Variants in ENO1 observed in about 807,000 individuals in gnomAD.
The protein encoded by ENO1 is enolase 1.
A neutral mutation model predicts 46.3 loss-of-function variants in ENO1; 33 were observed. The observed-to-expected ratio is 0.71, with a 90% confidence interval of 0.54 to 0.95. The LOEUF (loss-of-function observed/expected upper bound fraction) is 0.95, where lower values mean the gene tolerates loss of function less well. ENO1 is among the 40% of genes least tolerant of loss of function. ENO1 has a pLI of 0.00. For synonymous variants in ENO1, 220 were observed against 216.0 expected (o/e 1.02, Z -0.16); for missense variants, 488 against 553.3 (o/e 0.88, Z 1.18).
At chr1:8,871,846 G>C in intron 3 of ENO1, 45 bp downstream of exon 3, 1 of 1,595,580 alleles carries the variant, frequency 6.3e-7, no homozygotes, top group Non-Finnish European at 8.6e-7. Flanking sequence ...GCCAGGAATG[G>C]GGCTGGAAGC....
At chr1:8,863,421 G>A (rs1338284689) in intron 9 of ENO1, 78 bp from the exon 10 acceptor site, 1 of 1,413,044 alleles carries the variant, frequency 7.1e-7, no homozygotes, top group African/African-American at 1.4e-5. Flanking sequence ...ACCCCTCGGT[G>A]CCAGCAGGAA....
intron 4 of ENO1, among the ~76,000 whole-genome samples, chr1:8,869,941 A>C (rs1642596626): frequency 6.6e-6 from 1 of 152,158 alleles, no homozygotes; most frequent in Non-Finnish European, 1.5e-5. Context: ...GGCCGAAGGG[A>C]GGGTAAATGA....
At chr1:8,875,039 G>C (rs760855079) in intron 1 of ENO1, 122 bp from the exon 2 acceptor site, 45 of 724,454 alleles carry the variant, frequency 6.2e-5, no homozygotes, top group Non-Finnish European at 9.1e-5. Context: ...CTAAATACTG[G>C]ATGTAGGAAA....
At chr1:8,874,653 G>A (rs1642700782) in intron 2 of ENO1, among the ~76,000 whole-genome samples, 171 bp downstream of exon 2, 1 of 149,936 alleles carries the variant, frequency 6.7e-6, no homozygotes, top group Non-Finnish European at 1.5e-5. Context: ...CTGGCTCCAT[G>A]CCTAAAAATT....
Position 8,866,436 on chromosome 1 carries a change from G to T in ENO1, c.510C>A (p.Ile170=). The T allele has an allele frequency of 6.2e-7, 1 of 1,614,214 alleles. No individual in the cohort carries two copies. Among genetic ancestry groups the T allele is most frequent in the African/African-American group, 1.3e-5 (1 of 75,046 alleles). ...TGAAGTTTGCTGCACCGACTGGGAGGATCATGAACTCCTGCATGGCCAGCT... is the reference window on the plus strand; with the variant it reads ...TGAAGTTTGCTGCACCGACTGGGAGTATCATGAACTCCTGCATGGCCAGCT... ...GNKLAMQEFM[I]LPVGAANFRE... Residue 170 remains isoleucine (I), a synonymous_variant, in exon 7 of 12, where the codon ATC becomes ATA. Coordinates refer to ENST00000234590, the MANE Select transcript of ENO1 (RefSeq NM_001428.5).
At position 8,874,865 on chromosome 1, in the gene ENO1, CGA is replaced by C. The variant is rs1557587769; in HGVS notation, c.42_43del (p.Gly16GlufsTer5). 3 of 1,613,612 alleles carry C rather than the reference CGA, an allele frequency of 1.9e-6. No individual in the cohort carries two copies. Among genetic ancestry groups the C allele is most frequent in the East Asian group, 2.2e-5 (1 of 44,842 alleles). Reference sequence around the variant, plus strand: ...ATCAACCTCAACAGTGGGATTCCCGCGAGAGTCAAAGATCTCCCTGGCATGGA... The same window carrying C: ...ATCAACCTCAACAGTGGGATTCCCGCGAGTCAAAGATCTCCCTGGCATGGA... On this transcript the variant is annotated frameshift_variant, in exon 2 of 12. Transcript: ENST00000234590. LOFTEE classifies it high-confidence loss of function.
At chr1:8,862,448 G>A (rs1479919796) in intron 11 of ENO1, among the ~76,000 whole-genome samples, 1 of 152,184 alleles carries the variant, frequency 6.6e-6, no homozygotes, top group Non-Finnish European at 1.5e-5. Context: ...AGGGAGACCA[G>A]AACAGCCCCA....
chr1:8,865,523 G>C (rs374194071), intron 7 of ENO1, 41 bp from the exon 8 acceptor site: 22 of 1,602,792 alleles, frequency 1.4e-5, no homozygotes, highest in Non-Finnish European at 1.7e-5. Context: ...AAACAGGTAG[G>C]TACAGAGAAA....
chr1:8,864,103 G>C lies in ENO1; in HGVS notation c.866-11C>G. On this transcript the variant is annotated splice_polypyrimidine_tract_variant and intron_variant, in intron 8 of 11. Coordinates refer to ENST00000234590, the MANE Select transcript of ENO1 (RefSeq NM_001428.5). ...CTTCGATAGACACCACTAAGGAAAG[G>C]AGGGACACGCTTCATCAGTGTGATC... 1 of 1,613,658 alleles carries C rather than the reference G, an allele frequency of 6.2e-7. No individual in the cohort carries two copies. Among genetic ancestry groups the C allele is most frequent in the Non-Finnish European group, 8.5e-7 (1 of 1,179,846 alleles).
chr1:8,875,377 A>C (rs928949209), intron 1 of ENO1, among the ~76,000 whole-genome samples: 10 of 152,078 alleles, frequency 6.6e-5, no homozygotes, highest in African/African-American at 2.4e-4. Flanking sequence ...CCAAATAGAA[A>C]GATGAATGTG....
At chr1:8,868,596 G>C (rs1165327890) in intron 4 of ENO1, among the ~76,000 whole-genome samples, 1 of 152,192 alleles carries the variant, frequency 6.6e-6, no homozygotes, top group Non-Finnish European at 1.5e-5. Flanking sequence ...GGATCAAAAT[G>C]AATTTTTGAT....
At chr1:8,861,687 TTCCTC>T (rs2124043830) in intron 11 of ENO1, among the ~76,000 whole-genome samples, 1 of 152,204 alleles carries the variant, frequency 6.6e-6, no homozygotes, top group South Asian at 2.1e-4. Flanking sequence ...GCCCCTTCTC[TTCCTC>T]TCCTCTCCCC....
At chr1:8,870,559 C>T in intron 3 of ENO1, 49 bp from the exon 4 acceptor site, 1 of 1,612,712 alleles carries the variant, frequency 6.2e-7, no homozygotes, top group Non-Finnish European at 8.5e-7. Flanking sequence ...TTAAAACAGG[C>T]TTGAGCAGCA....
chr1:8,864,088 C>T lies in ENO1; in HGVS notation c.870G>A (p.Val290=), dbSNP rs769712327. The T allele has an allele frequency of 6.2e-7, 1 of 1,614,092 alleles. No homozygotes were observed. The highest frequency in any genetic ancestry group is 8.5e-7 in the Non-Finnish European group (1 of 1,180,006). ...YKSFIKDYPV[V]SIEDPFDQDD... The stretch of plus-strand genomic sequence containing the variant: ...CCTGGTCAAAGGGATCTTCGATAGA[C>T]ACCACTAAGGAAAGGAGGGACACGC... Residue 290 remains valine (V), a synonymous_variant, in exon 9 of 12, where the codon GTG becomes GTA. Coordinates refer to ENST00000234590, the MANE Select transcript of ENO1 (RefSeq NM_001428.5).
At position 8,861,081 on chromosome 1, in the gene ENO1, C is replaced by T. The variant is rs1557576368; in HGVS notation, c.*279G>A. ...GCCTGTGGCCACCCCGGAGATGACACGAGGCTCACATGACTCTAGACACTT... is the reference window on the plus strand; with the variant it reads ...GCCTGTGGCCACCCCGGAGATGACATGAGGCTCACATGACTCTAGACACTT... On this transcript the variant is annotated 3_prime_UTR_variant, in exon 12 of 12. Coordinates refer to ENST00000234590, the MANE Select transcript of ENO1 (RefSeq NM_001428.5). 3 of 392,648 alleles carry T rather than the reference C, an allele frequency of 7.6e-6. No individual in the cohort carries two copies. The highest frequency in any genetic ancestry group is 4.5e-5 in the South Asian group (1 of 22,428). The allele number at this position is 392,648 out of a possible 1,614,324, so 24.3% of individuals were successfully genotyped here. A position where few individuals can be genotyped will look rare whatever the true frequency, so the allele number is the denominator to read the frequency against.
chr1:8,876,891 C>G (rs1400098830), intron 1 of ENO1, among the ~76,000 whole-genome samples: 1 of 151,598 alleles, frequency 6.6e-6, no homozygotes, highest in African/African-American at 2.4e-5. Flanking sequence ...GTCGCCCAGA[C>G]TGGAGTGCAA....
At position 8,868,013 on chromosome 1, in the gene ENO1, GATC is replaced by G. The variant is rs1557582773; in HGVS notation, c.282_284del (p.Met94del). ...ATTTATTTTCTGTTCCATCCATCTC[GATC>G]ATCAGTTTGTCAATCTTCTCTTGTT... On this transcript the variant is annotated inframe_deletion, in exon 5 of 12. Coordinates refer to ENST00000234590, the MANE Select transcript of ENO1 (RefSeq NM_001428.5). 2 of 1,613,966 alleles carry G rather than the reference GATC, an allele frequency of 1.2e-6. No individual in the cohort carries two copies. The highest frequency in any genetic ancestry group is 2.2e-5 in the East Asian group (1 of 44,880).
chr1:8,870,084 T>G, intron 4 of ENO1: 1 of 219,578 alleles, frequency 4.6e-6, no homozygotes, highest in East Asian at 9.2e-5. Context: ...GTCAGTAGAA[T>G]TATAGTAAAT....
At chr1:8,863,859 C>A in intron 9 of ENO1, 32 bp downstream of exon 9, 1 of 1,612,394 alleles carries the variant, frequency 6.2e-7, no homozygotes, top group South Asian at 1.1e-5. Context: ...GCCGTAGCTG[C>A]GGGAAAGCTG....
Sources: gnomAD v4.1 joint callset for allele counts (sites outside exome capture counted in the v4.1 genomes callset) on GRCh38, gnomAD v4.1.1 for gene constraint, MANE v1.5 for transcripts, NCBI Gene and HGNC (gene_info 2026-07-23, HGNC 2026-07-21) for gene names.